Variants in TG observed in about 807,000 individuals in gnomAD.
TG encodes thyroglobulin, also known as thyroid hormones.
In TG, 270 loss-of-function variants were observed where a neutral mutation model predicts 324.7. That is an observed-to-expected ratio of 0.83 (90% confidence interval 0.75 to 0.92). TG has a LOEUF of 0.92. TG is among the 40% of genes least tolerant of loss of function. The pLI is 0.00. For synonymous variants in TG, 1,401 were observed against 1,327.0 expected, an observed-to-expected ratio of 1.06 and a Z score of -1.21; for missense variants, 3,591 against 3,456.4, an observed-to-expected ratio of 1.04 and a Z score of -0.98.
At chr8:132,953,065 T>C (rs901409405) in intron 27 of TG, among the ~76,000 whole-genome samples, 1 of 152,204 alleles carries the variant, frequency 6.6e-6, no homozygotes, top group African/African-American at 2.4e-5. Context: ...AGACATCACT[T>C]TGGGGCCAGC....
chr8:132,936,095 T>C (rs1823543216), intron 25 of TG, among the ~76,000 whole-genome samples: 1 of 152,238 alleles, frequency 6.6e-6, no homozygotes, highest in Non-Finnish European at 1.5e-5. Context: ...ATCATTCTCC[T>C]TTGTGCCTTC....
chr8:132,913,135 G>A lies in TG; in HGVS notation c.4248G>A (p.Thr1416=), dbSNP rs569957058. Residue 1416 remains threonine (T), a synonymous_variant, in exon 20 of 48, where the codon ACG becomes ACA. Transcript: ENST00000220616. ...GSFQLHLDSK[T]FPAETIRFLQ... ...TCCAGCTTCATCTGGACTCCAAGACGTTCCCAGCGGAAACCATCCGCTTCC... is the reference window on the plus strand; with the variant it reads ...TCCAGCTTCATCTGGACTCCAAGACATTCCCAGCGGAAACCATCCGCTTCC... 27 of 1,614,166 alleles carry A rather than the reference G, an allele frequency of 1.7e-5. No individual in the cohort carries two copies. In the South Asian group the frequency reaches 2.2e-4, roughly 13 times the overall value.
chr8:133,011,838 C>G (rs767489501), intron 35 of TG, 63 bp from the exon 36 acceptor site: 1 of 1,611,162 alleles, frequency 6.2e-7, no homozygotes, highest in South Asian at 1.1e-5. Context: ...GGGTAATACA[C>G]GGCTGTCTTT....
intron 41 of TG, among the ~76,000 whole-genome samples, chr8:133,081,573 T>C (rs1420865792): frequency 6.7e-6 from 1 of 148,670 alleles, no homozygotes; most frequent in African/African-American, 2.5e-5. Context: ...CTAAAATTAT[T>C]CTCAGGAAGA....
intron 29 of TG, chr8:132,964,633 T>G: frequency 2.3e-6 from 1 of 443,244 alleles, no homozygotes; most frequent in Non-Finnish European, 4.0e-6. Context: ...GCACATAGTT[T>G]TAAGAGAAAT....
chr8:133,088,083 T>C (rs1184703034), intron 41 of TG, among the ~76,000 whole-genome samples: 2 of 152,218 alleles, frequency 1.3e-5, no homozygotes, highest in African/African-American at 2.4e-5. Flanking sequence ...AAGGAGCCAA[T>C]AGAGGCGAGA....
At chr8:133,059,132 G>A (rs1055377691) in intron 41 of TG, 7 of 456,172 alleles carry the variant, frequency 1.5e-5, no homozygotes, top group East Asian at 7.0e-5. Context: ...AGCCATCTGC[G>A]CCAGTGAACT....
intron 32 of TG, among the ~76,000 whole-genome samples, chr8:132,971,262 T>C (rs1038545813): frequency 6.6e-6 from 1 of 152,060 alleles, no homozygotes; most frequent in Admixed American, 6.6e-5. Context: ...CCGAAATGCA[T>C]TGGTAGAGAG....
At chr8:133,083,004 T>C (rs1344641655) in intron 41 of TG, among the ~76,000 whole-genome samples, 1 of 152,176 alleles carries the variant, frequency 6.6e-6, no homozygotes, top group Non-Finnish European at 1.5e-5. Flanking sequence ...CACAACTAAT[T>C]ACACTTAGTG....
intron 22 of TG, among the ~76,000 whole-genome samples, chr8:132,925,409 C>A (rs1395525181): frequency 2.6e-5 from 4 of 152,190 alleles, no homozygotes; most frequent in Admixed American, 1.3e-4. Context: ...TGGTACAGCT[C>A]ATGGGATAAA....
At chr8:133,091,363 C>T (rs796979770) in intron 41 of TG, among the ~76,000 whole-genome samples, 27 of 152,286 alleles carry the variant, frequency 1.8e-4, no homozygotes, top group African/African-American at 5.5e-4. Flanking sequence ...AAGTGCAAGG[C>T]GTGCCAGGAG....
chr8:132,930,648 G>A (rs1442274341), intron 23 of TG, among the ~76,000 whole-genome samples: 8 of 150,186 alleles, frequency 5.3e-5, no homozygotes, highest in Non-Finnish European at 1.2e-4. Flanking sequence ...TCGCTCCATT[G>A]CACTCCAGCC....
intron 27 of TG, among the ~76,000 whole-genome samples, chr8:132,954,946 T>C (rs956953435): frequency 6.6e-6 from 1 of 152,162 alleles, no homozygotes; most frequent in Admixed American, 6.5e-5. Flanking sequence ...GCTCACTGTC[T>C]AGCAGAGGGG....
chr8:132,980,284 A>G (rs1830663061), intron 34 of TG, among the ~76,000 whole-genome samples: 1 of 152,104 alleles, frequency 6.6e-6, no homozygotes, highest in Non-Finnish European at 1.5e-5. Flanking sequence ...TCCAAGAAGA[A>G]GAGAACAGCT....
At chr8:132,935,606 G>A (rs1823465549) in intron 24 of TG, 150 bp from the exon 25 acceptor site, 1 of 711,728 alleles carries the variant, frequency 1.4e-6, no homozygotes, top group Admixed American at 2.0e-5. Flanking sequence ...GCAAGTTACT[G>A]CTTACACATC....
At chr8:133,093,906 G>A (rs1206290872) in intron 41 of TG, among the ~76,000 whole-genome samples, 4 of 152,158 alleles carry the variant, frequency 2.6e-5, no homozygotes, top group Non-Finnish European at 5.9e-5. Flanking sequence ...AGCTGAAATA[G>A]GGAACCTCTT....
rs1848400936 is a variant in TG at position 133,096,293 on chromosome 8, A to G, written c.7492A>G (p.Arg2498Gly). 6.2e-7 allele frequency: 1 copy of G among 1,614,038 alleles called. No individual in the cohort carries two copies. The highest frequency in any genetic ancestry group is 8.5e-7 in the Non-Finnish European group (1 of 1,180,048). The change falls in exon 43 of 48, where the codon AGG becomes GGG. Residue 2498 changes from arginine to glycine, a missense_variant. Coordinates refer to ENST00000220616, the MANE Select transcript of TG (RefSeq NM_003235.5). ...TGAGCCTCCAGCCAGAGCACTGAAGAGGTCTTTATGGGTAGAGGTCGATCT... is the reference window on the plus strand; with the variant it reads ...TGAGCCTCCAGCCAGAGCACTGAAGGGGTCTTTATGGGTAGAGGTCGATCT... ...LREPPARALK[R>G]SLWVEVDLLI...
intron 43 of TG, among the ~76,000 whole-genome samples, chr8:133,108,278 G>A (rs7012120): frequency 0.21 from 32,207 of 151,878 alleles, 3,755 homozygotes; most frequent in Middle Eastern, 0.29. Context: ...GAGCCACCAC[G>A]CCCGGCCTGG....
intron 29 of TG, 151 bp from the exon 30 acceptor site, chr8:132,966,409 A>T: frequency 9.7e-7 from 1 of 1,026,482 alleles, no homozygotes; most frequent in African/African-American, 1.6e-5. Flanking sequence ...CTGGTTTCAC[A>T]CAGCATAAAA....
Sources: gnomAD v4.1 joint callset for allele counts (sites outside exome capture counted in the v4.1 genomes callset) on GRCh38, gnomAD v4.1.1 for gene constraint, MANE v1.5 for transcripts, NCBI Gene and HGNC (gene_info 2026-07-23, HGNC 2026-07-21) for gene names.